Variants in STX7 observed in about 807,000 individuals in gnomAD.
STX7 encodes the protein syntaxin-7.
Under a neutral mutation model 39.6 loss-of-function variants are expected in STX7, and 34 were observed. The observed-to-expected ratio is 0.86, with a 90% confidence interval of 0.65 to 1.14. STX7 has a LOEUF of 1.14. Among genes scored for constraint, STX7 ranks in the 50% most tolerant of loss-of-function variants. The pLI is 0.00. For missense variants in STX7, 284 were observed against 310.4 expected (o/e 0.92, Z 0.64); for synonymous variants, 119 against 99.1 (o/e 1.20, Z -1.19).
In STX7 at chr6:132,453,903, T is replaced by A. The variant is rs1653526925; in HGVS notation, c.*6855A>T. 6.6e-6 allele frequency: 1 copy of A among 152,124 alleles called. No homozygotes were observed. The highest frequency in any genetic ancestry group is 1.5e-5 in the Non-Finnish European group (1 of 67,992). 9.4% of individuals were successfully genotyped at this position (152,124 alleles called of 1,614,324 possible). ...AAAAACTAAACATTCAACTACTATA[T>A]GACCCAACTACTATATAACTGCTGG... On this transcript the variant is annotated 3_prime_UTR_variant, in exon 10 of 10. Transcript: ENST00000367941.
At chr6:132,480,586 G>C (rs1250278761) in intron 2 of STX7, among the ~76,000 whole-genome samples, 3 of 152,176 alleles carry the variant, frequency 2.0e-5, no homozygotes, top group Non-Finnish European at 4.4e-5. Context: ...TAATTATTAA[G>C]CGGAATTTGG....
rs557420683 is a variant in STX7 at position 132,509,959 on chromosome 6, G to GA, written c.-59+3047dup. On this transcript the variant is annotated intron_variant, in intron 1 of 9. Coordinates refer to ENST00000367941, the MANE Select transcript of STX7 (RefSeq NM_003569.3). ...TTGAATACTTTTGAAAGCCCACTCA[G>GA]AATTCCTATTTAATTGCTCAGAATA... Among the ~76,000 whole-genome samples, 397 of 152,254 alleles carry GA rather than the reference G, an allele frequency of 2.6e-3. 1 individual carries two copies. Among genetic ancestry groups the GA allele is most frequent in the Non-Finnish European group, 4.3e-3 (295 of 68,016 alleles).
intron 3 of STX7, among the ~76,000 whole-genome samples, chr6:132,473,520 G>GTTTTT (rs398066285): frequency 5.9e-5 from 8 of 136,288 alleles, no homozygotes; most frequent in African/African-American, 8.2e-5. Flanking sequence ...TTATTGTGTT[G>GTTTTT]TTTTTTTTTT....
In STX7 at chr6:132,448,162, C is replaced by G. The variant is rs1037328043; in HGVS notation, c.*12596G>C. 5 of 152,212 alleles carry G rather than the reference C, an allele frequency of 3.3e-5. No individual in the cohort carries two copies. The highest frequency in any genetic ancestry group is 9.7e-5 in the African/African-American group (4 of 41,450). The allele number at this position is 152,212 out of a possible 1,614,324, so 9.4% of individuals were successfully genotyped here. A position where few individuals can be genotyped will look rare whatever the true frequency, so the allele number is the denominator to read the frequency against. On this transcript the variant is annotated 3_prime_UTR_variant, in exon 10 of 10. Transcript: ENST00000367941. ...ACTAACTTCTAAGTGCTCCCGGACA[C>G]TTTCCCCACATATACATTTCCTGAG...
rs1775896778 is a variant in STX7 at position 132,513,069 on chromosome 6, C to G, written c.-121G>C. ...CGTCACCCACCTACCCCGGAGCCCT[C>G]AGCTGCAATTCTCAGCTGATGGGCG... On this transcript the variant is annotated 5_prime_UTR_variant, in exon 1 of 10. Coordinates refer to ENST00000367941, the MANE Select transcript of STX7 (RefSeq NM_003569.3). 2 of 152,374 alleles carry G rather than the reference C, an allele frequency of 1.3e-5. No individual in the cohort carries two copies. The highest frequency in any genetic ancestry group is 2.1e-4 in the South Asian group (1 of 4,836). The allele number at this position is 152,374 out of a possible 1,614,324, so 9.4% of individuals were successfully genotyped here. A position where few individuals can be genotyped will look rare whatever the true frequency, so the allele number is the denominator to read the frequency against.
intron 2 of STX7, among the ~76,000 whole-genome samples, chr6:132,496,555 C>T (rs866459584): frequency 6.6e-6 from 1 of 152,206 alleles, no homozygotes; most frequent in African/African-American, 2.4e-5. Flanking sequence ...TATGAGCATG[C>T]ATTATGGATT....
In STX7 at chr6:132,459,779, AC is replaced by A. The variant is rs1414348241; in HGVS notation, c.*978del. 2 of 152,238 alleles carry A rather than the reference AC, an allele frequency of 1.3e-5. No homozygotes were observed. Among genetic ancestry groups the A allele is most frequent in the Non-Finnish European group, 2.9e-5 (2 of 68,034 alleles). The allele number at this position is 152,238 out of a possible 1,614,324, so 9.4% of individuals were successfully genotyped here. A position where few individuals can be genotyped will look rare whatever the true frequency, so the allele number is the denominator to read the frequency against. On this transcript the variant is annotated 3_prime_UTR_variant, in exon 10 of 10. Transcript: ENST00000367941. ...AATTGCTTTTTTAATGAAGGATGAC[AC>A]AAAATGGCACGCAAGGTAAACACTA... is the stretch of plus-strand genomic sequence containing the variant.
At chr6:132,498,554 T>C (rs1775474779) in intron 2 of STX7, among the ~76,000 whole-genome samples, 1 of 152,242 alleles carries the variant, frequency 6.6e-6, no homozygotes, top group Non-Finnish European at 1.5e-5. Context: ...GCTCATATTC[T>C]AATTACAGGT....
chr6:132,488,001 C>T (rs1244475231), intron 2 of STX7, among the ~76,000 whole-genome samples: 1 of 152,164 alleles, frequency 6.6e-6, no homozygotes, highest in East Asian at 1.9e-4. Flanking sequence ...GATTTGAGAC[C>T]TGTCTTCTTT....
chr6:132,462,204 G>A (rs988943361), intron 9 of STX7, among the ~76,000 whole-genome samples: 1 of 152,218 alleles, frequency 6.6e-6, no homozygotes, highest in Non-Finnish European at 1.5e-5. Flanking sequence ...GCAATGTGGT[G>A]ATAAGTGAAC....
At chr6:132,507,102 T>G (rs1403111785) in intron 1 of STX7, among the ~76,000 whole-genome samples, 1 of 152,194 alleles carries the variant, frequency 6.6e-6, no homozygotes, top group Admixed American at 6.5e-5. Context: ...CTAAATAATG[T>G]GTACACATGG....
chr6:132,501,615 T>C (rs184828200), intron 2 of STX7, among the ~76,000 whole-genome samples: 2 of 152,246 alleles, frequency 1.3e-5, no homozygotes, highest in East Asian at 1.9e-4. Context: ...GTATCTTTCA[T>C]ACTACCTACT....
intron 4 of STX7, 62 bp downstream of exon 4, chr6:132,472,220 C>A: frequency 1.6e-6 from 2 of 1,272,116 alleles, no homozygotes; most frequent in Non-Finnish European, 2.2e-6. Flanking sequence ...TTCAAAGATC[C>A]TACAGTGCAC....
Position 132,510,538 on chromosome 6 carries a change from G to A in STX7, c.-59+2469C>T, listed in dbSNP as rs559460371. ...TCACTTAAATTACATTGTAGCTCTC[G>A]TTTTTAAAAAATTAAAATTAATTAA... is the stretch of plus-strand genomic sequence containing the variant. On this transcript the variant is annotated intron_variant, in intron 1 of 9. Coordinates refer to ENST00000367941, the MANE Select transcript of STX7 (RefSeq NM_003569.3). Among the ~76,000 whole-genome samples, 17 of 152,040 alleles carry A rather than the reference G, an allele frequency of 1.1e-4. No homozygotes were observed. In the South Asian group the frequency reaches 1.9e-3, roughly 17 times the overall value.
chr6:132,509,512 CA>C (rs1562343787), intron 1 of STX7, among the ~76,000 whole-genome samples: 1 of 138,020 alleles, frequency 7.2e-6, no homozygotes, highest in African/African-American at 2.8e-5. Flanking sequence ...CATAACATAA[CA>C]TAAAATAAAA....
At chr6:132,477,008 C>T (rs1261348801) in intron 2 of STX7, among the ~76,000 whole-genome samples, 1 of 151,970 alleles carries the variant, frequency 6.6e-6, no homozygotes, top group Non-Finnish European at 1.5e-5. Flanking sequence ...TTTACATGCT[C>T]AAGGGAATGA....
At chr6:132,475,512 T>C in intron 3 of STX7, 81 bp downstream of exon 3, 2 of 900,122 alleles carry the variant, frequency 2.2e-6, no homozygotes, top group South Asian at 4.1e-5. Flanking sequence ...GTAAACATAA[T>C]ATACTACATA....
At chr6:132,513,284 T>A (rs138238753), upstream of STX7, 125 of 152,408 alleles carry the variant, frequency 8.2e-4, 1 homozygote, top group African/African-American at 2.7e-3. Context: ...GTAGAGATGG[T>A]GAACGCCTCT....
chr6:132,495,349 A>G (rs1391880218), intron 2 of STX7, among the ~76,000 whole-genome samples: 1 of 152,210 alleles, frequency 6.6e-6, no homozygotes, highest in Admixed American at 6.5e-5. Context: ...CATGAAGAAA[A>G]TCACAATGAA....
Sources: gnomAD v4.1 joint callset for allele counts (sites outside exome capture counted in the v4.1 genomes callset) on GRCh38, gnomAD v4.1.1 for gene constraint, MANE v1.5 for transcripts, NCBI Gene and HGNC (gene_info 2026-07-23, HGNC 2026-07-21) for gene names.